Variants in IQCN observed in about 807,000 individuals in gnomAD.
The protein encoded by IQCN is IQ motif containing N.
A neutral mutation model predicts 64.4 loss-of-function variants in IQCN; 46 were observed. The observed-to-expected ratio is 0.71, with a 90% confidence interval of 0.56 to 0.91. The LOEUF (loss-of-function observed/expected upper bound fraction) is 0.91. Among genes scored for constraint, IQCN ranks in the 40% least tolerant of loss-of-function variants. The pLI is 0.00. For synonymous variants in IQCN, 733 were observed against 775.6 expected (o/e 0.95, Z 0.91); for missense variants, 1,753 against 1,857.4 (o/e 0.94, Z 1.03).
chr19:18,265,903 G>C lies in IQCN; in HGVS notation c.1637C>G (p.Ser546Cys), dbSNP rs61740749. Residue 546 changes from serine to cysteine, a missense_variant, in exon 3 of 4, where the codon TCC becomes TGC. Coordinates refer to ENST00000392413, the MANE Select transcript of IQCN (RefSeq NM_001145304.2). The surrounding 1 kb of genome is among the most constrained non-coding windows in gnomAD (Gnocchi z 4.7). ...VAAGTPNTSG[S>C]IHENPPKAKA... ...GGCCTTGGGTGGGTTCTCATGGATG[G>C]AGCCTGAGGTGTTGGGAGTTCCGGC... 2 of 1,614,070 alleles carry C rather than the reference G, an allele frequency of 1.2e-6. No homozygotes were observed. Among genetic ancestry groups the C allele is most frequent in the Non-Finnish European group, 1.7e-6 (2 of 1,180,050 alleles).
At chr19:18,270,590 T>C (rs1969714011) in intron 1 of IQCN, among the ~76,000 whole-genome samples, 2 of 151,506 alleles carry the variant, frequency 1.3e-5, no homozygotes, top group African/African-American at 4.9e-5. Flanking sequence ...GGCCAGGAGG[T>C]TGAGACTGCA....
Position 18,257,627 on chromosome 19 carries a change from G to C in IQCN, c.3657C>G (p.Arg1219=). 6.2e-7 allele frequency: 1 copy of C among 1,612,726 alleles called. No homozygotes were observed. The highest frequency in any genetic ancestry group is 1.1e-5 in the South Asian group (1 of 91,036). ...DGRARTVSDH[R]CFQSCQAHAC... ...CGTGTGCCTGGCAGGACTGGAAGCA[G>C]CGATGGTCAGATACTGTCCTGGCTC... Residue 1219 remains arginine (R), a synonymous_variant, in exon 4 of 4, where the codon CGC becomes CGG. Transcript: ENST00000392413.
chr19:18,270,116 C>CT (rs1469005496), intron 1 of IQCN, among the ~76,000 whole-genome samples: 2 of 148,098 alleles, frequency 1.4e-5, no homozygotes, highest in African/African-American at 5.0e-5. Flanking sequence ...TTCCAGCACT[C>CT]TGGGAGGCCG....
chr19:18,262,261 G>C (rs1245994908), intron 3 of IQCN: 1 of 153,202 alleles, frequency 6.5e-6, no homozygotes, highest in Non-Finnish European at 1.5e-5. Context: ...GGCTGAAATG[G>C]CTGTGCCAGG....
chr19:18,272,758 C>T (rs1969764207), intron 1 of IQCN, among the ~76,000 whole-genome samples: 1 of 151,768 alleles, frequency 6.6e-6, no homozygotes, highest in African/African-American at 2.4e-5. Context: ...CTACAGGCGC[C>T]TGCCACCACG....
chr19:18,264,737 T>C lies in IQCN; in HGVS notation c.2803A>G (p.Met935Val), dbSNP rs1300121701. ...CAGGACAGCGCCTTCACCAGCGCCA[T>C]GCTCAGCATGCTCTGGGGCAGGGCT... ...TKALPQSMLSMALVKALSWSE... is the reference protein window; with the variant it reads ...TKALPQSMLSVALVKALSWSE... Residue 935 changes from methionine to valine, a missense_variant, in exon 3 of 4, where the codon ATG becomes GTG. Transcript: ENST00000392413. This position sits in a 1 kb window ranked among gnomAD's most constrained non-coding sequence, Gnocchi z 4.3. 3 of 1,551,144 alleles carry C rather than the reference T, an allele frequency of 1.9e-6. No homozygotes were observed. The highest frequency in any genetic ancestry group is 2.0e-5 in the Admixed American group (1 of 51,006).
chr19:18,266,268 C>G lies in IQCN; in HGVS notation c.1272G>C (p.Thr424=), dbSNP rs148730324. Residue 424 remains threonine, a synonymous_variant, in exon 3 of 4, where the codon ACG becomes ACC. Transcript: ENST00000392413. This position sits in a 1 kb window ranked among gnomAD's most constrained non-coding sequence, Gnocchi z 4.3. ...GGGAAACCTGAGGTCGGTTCTTTGC[C>G]GTGATGGTCGCAGGGCATGTCTGCC... ...TPRQTCPATI[T]AKNRPQVSLL... is the part of the protein sequence containing the mutation. 5.6e-6 allele frequency: 9 copies of G among 1,613,370 alleles called. No homozygotes were observed. In the African/African-American group the frequency reaches 8.0e-5, roughly 14 times the overall value.
In IQCN at chr19:18,257,272, G is replaced by A; in HGVS notation, c.4012C>T (p.His1338Tyr). The stretch of plus-strand genomic sequence containing the variant: ...GTGTTCTTCAGACAGCTCCGGGTAT[G>A]GTGGCCTCGCCAGGTGGCTTGAACT... ...KIVQATWRGHHTRSCLKNTEA... is the reference protein window; with the variant it reads ...KIVQATWRGHYTRSCLKNTEA... Residue 1338 changes from histidine (H) to tyrosine (Y), a missense_variant, in exon 4 of 4, where the codon CAT becomes TAT. By Grantham distance (83) the His-to-Tyr change is moderately conservative. Coordinates refer to ENST00000392413, the MANE Select transcript of IQCN (RefSeq NM_001145304.2). The A allele has an allele frequency of 6.2e-7, 1 of 1,613,740 alleles. No individual in the cohort carries two copies. The highest frequency in any genetic ancestry group is 8.5e-7 in the Non-Finnish European group (1 of 1,180,030).
chr19:18,261,782 G>A (rs1409690157), intron 3 of IQCN: 3 of 156,554 alleles, frequency 1.9e-5, no homozygotes, highest in African/African-American at 7.3e-5. Flanking sequence ...ACTCCCCAGT[G>A]GCCACACATG....
Position 18,257,227 on chromosome 19 carries a change from C to G in IQCN, c.4057G>C (p.Ala1353Pro), listed in dbSNP as rs747555648. Residue 1353 changes from alanine to proline, a missense_variant, in exon 4 of 4, where the codon GCA becomes CCA. By Grantham distance (27) the Ala-to-Pro change is conservative. Coordinates refer to ENST00000392413, the MANE Select transcript of IQCN (RefSeq NM_001145304.2). ...LKNTEALLGP[A>P]DPSASSRHMH... The stretch of plus-strand genomic sequence containing the variant: ...TGCCGTGAGCTGGCCGAGGGGTCTG[C>G]TGGTCCCAAGAGCGCCTCTGTGTTC... 9.9e-6 allele frequency: 16 copies of G among 1,613,562 alleles called. No homozygotes were observed. The highest frequency in any genetic ancestry group is 1.4e-5 in the Non-Finnish European group (16 of 1,180,048).
In IQCN at chr19:18,264,844, G is replaced by A. The variant is rs767956774; in HGVS notation, c.2696C>T (p.Ala899Val). 1 of 1,589,238 alleles carries A rather than the reference G, an allele frequency of 6.3e-7. No individual in the cohort carries two copies. Among genetic ancestry groups the A allele is most frequent in the Non-Finnish European group, 8.6e-7 (1 of 1,168,206 alleles). ...ASQEDLRTLL[A>V]KALSQGEVWA... Reference sequence around the variant, plus strand: ...GACTTCTCCCTGGGAGAGGGCTTTGGCCAACAGAGTGCGGAGATCCTCCTG... The same window carrying A: ...GACTTCTCCCTGGGAGAGGGCTTTGACCAACAGAGTGCGGAGATCCTCCTG... Residue 899 changes from alanine (A) to valine (V), a missense_variant, in exon 3 of 4, where the codon GCC becomes GTC. Transcript: ENST00000392413. This position sits in a 1 kb window ranked among gnomAD's most constrained non-coding sequence, Gnocchi z 4.3.
In IQCN at chr19:18,272,119, G is replaced by A. The variant is rs574915040; in HGVS notation, c.-110+2284C>T. Among the ~76,000 whole-genome samples the A allele has an allele frequency of 1.7e-3, 236 of 136,628 alleles. 1 individual carries two copies. The highest frequency in any genetic ancestry group is 5.8e-3 in the African/African-American group (230 of 39,752). The allele number at this position is 136,628 out of a possible 152,430, so 89.6% of individuals were successfully genotyped here. ...TGGGATTACAGGCGTGAGCCACCGC[G>A]CCTGGCCTTTTTTTTTTTCTCTCTC... On this transcript the variant is annotated intron_variant, in intron 1 of 3. Transcript: ENST00000392413.
intron 3 of IQCN, chr19:18,260,940 G>C (rs977720052): frequency 1.3e-5 from 2 of 152,380 alleles, no homozygotes; most frequent in African/African-American, 4.9e-5. Context: ...TTGATGAGCT[G>C]GTCTTAAGGG....
At chr19:18,273,403 T>A (rs1188869074) in intron 1 of IQCN, among the ~76,000 whole-genome samples, 6 of 151,968 alleles carry the variant, frequency 3.9e-5, no homozygotes, top group African/African-American at 9.7e-5. Context: ...AATGGCGCCA[T>A]CTTGGCTCAC....
intron 1 of IQCN, among the ~76,000 whole-genome samples, chr19:18,272,545 T>C (rs548375803): frequency 6.6e-6 from 1 of 152,214 alleles, no homozygotes; most frequent in Admixed American, 6.5e-5. Flanking sequence ...CTTCACCTGG[T>C]GTCTTCACAC....
In IQCN at chr19:18,265,748, C is replaced by T. The variant is rs756116596; in HGVS notation, c.1792G>A (p.Glu598Lys). 11 of 1,614,196 alleles carry T rather than the reference C, an allele frequency of 6.8e-6. No homozygotes were observed. The highest frequency in any genetic ancestry group is 9.3e-6 in the Non-Finnish European group (11 of 1,180,042). Reference protein sequence around the residue: ...PGTGVPRAAAELPLEAEKIKT... With the variant: ...PGTGVPRAAAKLPLEAEKIKT... ...ATTTTCTCGGCTTCCAAAGGAAGCT[C>T]AGCTGCAGCCCTGGGGACCCCAGTT... Residue 598 changes from glutamate to lysine, a missense_variant, in exon 3 of 4, where the codon GAG (glutamate) becomes AAG (lysine). Physicochemically the swap from Glu to Lys is moderately conservative, Grantham distance 56. Coordinates refer to ENST00000392413, the MANE Select transcript of IQCN (RefSeq NM_001145304.2). This position sits in a 1 kb window ranked among gnomAD's most constrained non-coding sequence, Gnocchi z 4.7.
Position 18,257,334 on chromosome 19 carries a change from C to T in IQCN, c.3950G>A (p.Arg1317His), listed in dbSNP as rs555838735. 6.6e-5 allele frequency: 106 copies of T among 1,613,054 alleles called. 2 individuals are homozygous for T. In the South Asian group the frequency reaches 1.0e-3, roughly 15 times the overall value. The change falls in exon 4 of 4, where the codon CGC becomes CAC. Residue 1317 changes from arginine to histidine, a missense_variant. Physicochemically the swap from Arg to His is conservative, Grantham distance 29. Coordinates refer to ENST00000392413, the MANE Select transcript of IQCN (RefSeq NM_001145304.2). The stretch of plus-strand genomic sequence containing the variant: ...CATTTGCTGCTGCCTCATCTGCTGG[C>T]GGATCTTAAAGCCCCTCCAGGCGGA... ...IQSAWRGFKI[R>H]QQMRQQQMAA...
intron 3 of IQCN, chr19:18,258,618 A>G (rs1430471001): frequency 2.8e-6 from 1 of 354,712 alleles, no homozygotes; most frequent in Non-Finnish European, 5.6e-6. Flanking sequence ...CACATGTGAG[A>G]CCATGCTGGT....
intron 1 of IQCN, among the ~76,000 whole-genome samples, chr19:18,272,566 A>G (rs1030280559): frequency 2.0e-5 from 3 of 151,708 alleles, no homozygotes; most frequent in African/African-American, 4.9e-5. Flanking sequence ...CTCTATCCCT[A>G]ATGCCTCACC....
Sources: allele counts gnomAD v4.1 joint callset (sites outside exome capture counted in the v4.1 genomes callset), GRCh38; gene constraint gnomAD v4.1.1; non-coding constraint Gnocchi (gnomAD v3.1); transcripts MANE v1.5; gene names NCBI Gene and HGNC (gene_info 2026-07-23, HGNC 2026-07-21).